The following ADGRA3 variants were observed in gnomAD, a reference collection of about 807,000 sequenced individuals.
ADGRA3 encodes adhesion G protein-coupled receptor A3, also known as G-protein coupled receptor 125.
ADGRA3 carries 56 observed loss-of-function variants against 119.8 expected under a neutral mutation model. The observed-to-expected ratio is 0.47, with a 90% CI of 0.38 to 0.58. ADGRA3 has a LOEUF of 0.58. ADGRA3 is among the 20% of genes least tolerant of loss of function. ADGRA3 has a pLI of 0.00. For synonymous variants in ADGRA3, 607 were observed against 623.8 expected (o/e 0.97, Z 0.40); for missense variants, 1,516 against 1,649.0 (o/e 0.92, Z 1.40).
intron 3 of ADGRA3, among the ~76,000 whole-genome samples, chr4:22,455,455 G>GA (rs142233845): frequency 0.032 from 4,783 of 147,538 alleles, 111 homozygotes; most frequent in East Asian, 0.074. Flanking sequence ...CAACTATAAT[G>GA]AAAAAAAAAA....
At chr4:22,489,160 G>A (rs189874551) in intron 1 of ADGRA3, among the ~76,000 whole-genome samples, 2 of 152,122 alleles carry the variant, frequency 1.3e-5, no homozygotes, top group Non-Finnish European at 2.9e-5. Context: ...ATGGCAGCAG[G>A]CAAGAGAGAA....
chr4:22,515,766 G>C lies in ADGRA3; in HGVS notation c.19C>G (p.Arg7Gly), dbSNP rs1719643978. 2 of 1,019,786 alleles carry C rather than the reference G, an allele frequency of 2.0e-6. No individual in the cohort carries two copies. The highest frequency in any genetic ancestry group is 2.3e-6 in the Non-Finnish European group (2 of 856,954). 63.2% of individuals were successfully genotyped at this position (1,019,786 alleles called of 1,614,324 possible). MEPPGR[R>G]RGRAQPPLLL... Reference sequence around the variant, plus strand: ...AGCGGCGGCTGCGCGCGGCCCCGCCGGCGTCCGGGTGGCTCCATGCTGCGG... The same window carrying C: ...AGCGGCGGCTGCGCGCGGCCCCGCCCGCGTCCGGGTGGCTCCATGCTGCGG... Residue 7 changes from arginine (R) to glycine (G), a missense_variant, in exon 1 of 19, where the codon CGG (arginine) becomes GGG (glycine). By Grantham distance (125) the Arg-to-Gly change is moderately radical. This residue lies in a region of ADGRA3 where 428 missense variants were observed against 541.9 expected (regional missense o/e 0.79). Coordinates refer to ENST00000334304, the MANE Select transcript of ADGRA3 (RefSeq NM_145290.4).
rs543130786 is a variant in ADGRA3, at chr4:22,484,596, C to A, written c.258-10753G>T. 9.5e-5 allele frequency among the ~76,000 whole-genome samples: 14 copies of A among 147,592 alleles called. No individual in the cohort carries two copies. In the South Asian group the frequency reaches 2.4e-3, roughly 26 times the overall value. ...CTCTAGCCTAGGCGATAGAGTGAGACCCTGTTTCCAAAAAAAAAAAAAAAA... is the reference window on the plus strand; with the variant it reads ...CTCTAGCCTAGGCGATAGAGTGAGAACCTGTTTCCAAAAAAAAAAAAAAAA... On this transcript the variant is annotated intron_variant, in intron 1 of 18. Coordinates refer to ENST00000334304, the MANE Select transcript of ADGRA3 (RefSeq NM_145290.4).
chr4:22,504,880 C>A (rs550495007), intron 1 of ADGRA3, among the ~76,000 whole-genome samples: 4 of 152,144 alleles, frequency 2.6e-5, no homozygotes, highest in African/African-American at 9.7e-5. Flanking sequence ...CAGGCCCCAT[C>A]CCTGAACAAT....
At chr4:22,498,893 G>A (rs529609741) in intron 1 of ADGRA3, among the ~76,000 whole-genome samples, 4 of 149,288 alleles carry the variant, frequency 2.7e-5, no homozygotes, top group Non-Finnish European at 4.4e-5. Flanking sequence ...CAGCTTGGGC[G>A]ACACAGCGAG....
chr4:22,468,555 G>C lies in ADGRA3; in HGVS notation c.329+5217C>G, dbSNP rs564142863. On this transcript the variant is annotated intron_variant, in intron 2 of 18. Transcript: ENST00000334304. ...AGGCTGAGGCGGACAGATCACTTGA[G>C]GTCAGGAGTTTGAGACCAGCCTGGC... Among the ~76,000 whole-genome samples the C allele has an allele frequency of 1.3e-3, 202 of 152,212 alleles. 3 individuals carry two copies. The Middle Eastern group carries it at 0.031, about 23-fold the overall frequency.
chr4:22,421,131 CA>C, intron 11 of ADGRA3, 42 bp from the exon 12 acceptor site: 1 of 1,542,428 alleles, frequency 6.5e-7, no homozygotes, highest in Non-Finnish European at 8.9e-7. Flanking sequence ...CGATTTATAG[CA>C]CAAAGGAAAA....
At chr4:22,509,584 G>T (rs564475351) in intron 1 of ADGRA3, among the ~76,000 whole-genome samples, 1 of 151,958 alleles carries the variant, frequency 6.6e-6, no homozygotes, top group African/African-American at 2.4e-5. Flanking sequence ...CGTAGGTAGG[G>T]ATAACTACTC....
At chr4:22,449,048 A>G (rs1219460934) in intron 4 of ADGRA3, among the ~76,000 whole-genome samples, 1 of 152,018 alleles carries the variant, frequency 6.6e-6, no homozygotes, top group Admixed American at 6.5e-5. Context: ...AGGTGGGTGG[A>G]TCACCTGAGG....
intron 4 of ADGRA3, among the ~76,000 whole-genome samples, chr4:22,449,217 C>A (rs1385617210): frequency 6.6e-6 from 1 of 151,738 alleles, no homozygotes; most frequent in African/African-American, 2.4e-5. Context: ...CTGCAGTGAG[C>A]CAGGACTGCA....
At chr4:22,509,521 A>AG (rs951121903) in intron 1 of ADGRA3, among the ~76,000 whole-genome samples, 1 of 150,214 alleles carries the variant, frequency 6.7e-6, no homozygotes, top group Non-Finnish European at 1.5e-5. Context: ...AGAAAAGAAA[A>AG]GAAAAAAAAA....
chr4:22,402,141 C>T (rs996221564), intron 15 of ADGRA3, among the ~76,000 whole-genome samples: 4 of 152,080 alleles, frequency 2.6e-5, no homozygotes, highest in Non-Finnish European at 5.9e-5. Flanking sequence ...TTCTGCTTAG[C>T]GTATCCTTTT....
At chr4:22,415,610 A>G (rs1715395771) in intron 12 of ADGRA3, among the ~76,000 whole-genome samples, 1 of 152,180 alleles carries the variant, frequency 6.6e-6, no homozygotes, top group African/African-American at 2.4e-5. Flanking sequence ...ATGCACATTT[A>G]TTAAAACTCA....
In ADGRA3 at chr4:22,387,584, AG is replaced by A; in HGVS notation, c.*120del. On this transcript the variant is annotated 3_prime_UTR_variant, in exon 19 of 19. Coordinates refer to ENST00000334304, the MANE Select transcript of ADGRA3 (RefSeq NM_145290.4). ...AAATAAGTAAAATCCAAAACTTCAAAGTTTATTCCAAATTCTTTTGAATCCC... is the reference window on the plus strand; with the variant it reads ...AAATAAGTAAAATCCAAAACTTCAAATTTATTCCAAATTCTTTTGAATCCC... 2.1e-6 allele frequency: 2 copies of A among 972,372 alleles called. No individual in the cohort carries two copies. Among genetic ancestry groups the A allele is most frequent in the Non-Finnish European group, 2.9e-6 (2 of 691,604 alleles). 60.2% of individuals were successfully genotyped at this position (972,372 alleles called of 1,614,324 possible).
chr4:22,510,185 C>T (rs943359010), intron 1 of ADGRA3, among the ~76,000 whole-genome samples: 1 of 152,058 alleles, frequency 6.6e-6, no homozygotes, highest in African/African-American at 2.4e-5. Context: ...ATGAACTTCC[C>T]TGCTGCCATC....
intron 1 of ADGRA3, among the ~76,000 whole-genome samples, chr4:22,502,363 G>A (rs1015191921): frequency 5.3e-5 from 8 of 152,082 alleles, no homozygotes; most frequent in Non-Finnish European, 1.2e-4. Flanking sequence ...AGAAGATGGC[G>A]GTATATAGGC....
intron 2 of ADGRA3, chr4:22,473,256 C>T (rs1377060464): frequency 6.6e-6 from 1 of 152,258 alleles, no homozygotes; most frequent in African/African-American, 2.4e-5. Context: ...ACCAATTAAA[C>T]TTCTTTTCTT....
At chr4:22,404,501 G>T (rs941090753) in intron 14 of ADGRA3, among the ~76,000 whole-genome samples, 1 of 152,174 alleles carries the variant, frequency 6.6e-6, no homozygotes, top group Non-Finnish European at 1.5e-5. Flanking sequence ...ATTCCAGCTA[G>T]ACTACTCAAC....
At chr4:22,390,389 TATATATATATATAAAATACGTA>T (rs1560292304) in intron 17 of ADGRA3, among the ~76,000 whole-genome samples, 6 of 16,192 alleles carry the variant, frequency 3.7e-4, no homozygotes, top group African/African-American at 1.3e-3. Flanking sequence ...TAATACGTAT[TATATATATATATAAAATACGTA>T]TTATATATAT....
Sources: allele counts gnomAD v4.1 joint callset (sites outside exome capture counted in the v4.1 genomes callset), GRCh38; gene constraint gnomAD v4.1.1; regional missense constraint gnomAD v4.1.1; transcripts MANE v1.5; gene names NCBI Gene and HGNC (gene_info 2026-07-23, HGNC 2026-07-21).